The following CD34 variants were observed in gnomAD, a reference collection of about 807,000 sequenced individuals.
CD34 encodes hematopoietic progenitor cell antigen CD34.
Under a neutral mutation model 40.1 loss-of-function variants are expected in CD34, and 34 were observed. The ratio of observed to expected loss-of-function variants is 0.85; its 90% CI spans 0.65 to 1.13. The LOEUF (loss-of-function observed/expected upper bound fraction) is 1.13, where lower values mean the gene tolerates loss of function less well. Ranked by LOEUF, CD34 falls within the 50% of genes most tolerant of loss-of-function variation. CD34 has a pLI of 0.00. For missense variants in CD34, 426 were observed against 466.9 expected, an observed-to-expected ratio of 0.91 and a Z score of 0.81; for synonymous variants, 209 against 190.0, an observed-to-expected ratio of 1.10 and a Z score of -0.82.
chr1:207,888,988 CT>C, intron 6 of CD34, 142 bp from the exon 7 acceptor site: 1 of 954,884 alleles, frequency 1.0e-6, no homozygotes, highest in Non-Finnish European at 1.6e-6. Flanking sequence ...GGATTTGAGA[CT>C]GACGTCTCTT....
chr1:207,889,640 A>G lies in CD34; in HGVS notation c.598-19T>C, dbSNP rs201186764. 610 of 1,612,188 alleles carry G rather than the reference A, an allele frequency of 3.8e-4. 4 individuals are homozygous for G. The highest frequency in any genetic ancestry group is 2.8e-3 in the South Asian group (253 of 90,844). On this transcript the variant is annotated intron_variant, in intron 4 of 7. Coordinates refer to ENST00000310833, the MANE Select transcript of CD34 (RefSeq NM_001025109.2). ...ACTCCGCCTGGGAAGACAGAGAAAC[A>G]TGGAGAGCAAGAGATGAAATTACTG...
At chr1:207,890,171 C>G (rs900820558) in intron 4 of CD34, 2 of 1,028,816 alleles carry the variant, frequency 1.9e-6, no homozygotes, top group Non-Finnish European at 2.3e-6. Context: ...TCTTCCATCT[C>G]TGTTTTCCAT....
intron 1 of CD34, among the ~76,000 whole-genome samples, chr1:207,902,205 A>C (rs1394166586): frequency 2.0e-5 from 3 of 152,224 alleles, no homozygotes; most frequent in Non-Finnish European, 4.4e-5. Flanking sequence ...AGAGATGAAG[A>C]GCCTGAATCA....
At position 207,904,453 on chromosome 1, in the gene CD34, G is replaced by C. The variant is rs541892699; in HGVS notation, c.80-4450C>G. On this transcript the variant is annotated intron_variant, in intron 1 of 7. Transcript: ENST00000310833. ...ACAAAGAGCTCAGGCTCTGCAGCCA[G>C]ACAGGCCACATTCAAAGGCTTCTTT... 1.6e-3 allele frequency among the ~76,000 whole-genome samples: 238 copies of C among 152,346 alleles called. 10 individuals carry two copies. The South Asian group carries it at 0.046, about 30-fold the overall frequency.
intron 1 of CD34, among the ~76,000 whole-genome samples, chr1:207,910,093 A>G (rs1662474106): frequency 6.6e-6 from 1 of 152,236 alleles, no homozygotes; most frequent in Non-Finnish European, 1.5e-5. Flanking sequence ...CCCCAAGGAA[A>G]GTAATCGAGT....
intron 1 of CD34, 95 bp downstream of exon 1, chr1:207,910,907 C>G (rs1662498608): frequency 7.8e-7 from 1 of 1,284,098 alleles, no homozygotes; most frequent in South Asian, 1.3e-5. Flanking sequence ...GGTCCCTTCC[C>G]TCCGTGAGAC....
rs189098796 is a variant in CD34 at position 207,889,359 on chromosome 1, C to T, written c.754+106G>A. The T allele has an allele frequency of 1.0e-5, 16 of 1,535,142 alleles. No homozygotes were observed. In the African/African-American group the frequency reaches 1.4e-4, roughly 13 times the overall value. On this transcript the variant is annotated intron_variant, in intron 5 of 7. Coordinates refer to ENST00000310833, the MANE Select transcript of CD34 (RefSeq NM_001025109.2). ...CCCAAAGCCAGCCAAGTCCTTCTCC[C>T]CAGCACCTGTGGTCTCTCTGGATCT...
intron 4 of CD34, chr1:207,890,188 C>A: frequency 9.9e-7 from 1 of 1,014,014 alleles, no homozygotes. Context: ...CCATTAAAAG[C>A]ATGGAACCCA....
rs764223735 is a variant in CD34 at position 207,887,864 on chromosome 1, C to A, written c.1032G>T (p.Gly344=). The change falls in exon 8 of 8, where the codon GGG becomes GGT. Residue 344 remains glycine (G), a synonymous_variant. Transcript: ENST00000310833. The part of the protein sequence containing the change: ...GGGQGYSSGP[G]TSPEAQGKAS... ...CCTTTCCCTGAGCCTCAGGGGAGGTCCCAGGTCCTGAGCTATAGCCCTGGC... is the reference window on the plus strand; with the variant it reads ...CCTTTCCCTGAGCCTCAGGGGAGGTACCAGGTCCTGAGCTATAGCCCTGGC... 11 of 1,614,066 alleles carry A rather than the reference C, an allele frequency of 6.8e-6. No homozygotes were observed. In the Admixed American group the frequency reaches 1.8e-4, roughly 27 times the overall value.
chr1:207,905,307 T>C (rs532542131), intron 1 of CD34, among the ~76,000 whole-genome samples: 28 of 152,362 alleles, frequency 1.8e-4, no homozygotes, highest in African/African-American at 6.7e-4. Context: ...GGCTAATTTT[T>C]GTATTTTTAG....
chr1:207,908,071 A>T (rs1662421297), intron 1 of CD34, among the ~76,000 whole-genome samples: 1 of 152,208 alleles, frequency 6.6e-6, no homozygotes, highest in Non-Finnish European at 1.5e-5. Flanking sequence ...GAAATCAGGC[A>T]ATGAGACCAA....
At chr1:207,900,648 ATTCG>A (rs1225795306) in intron 1 of CD34, among the ~76,000 whole-genome samples, 8 of 152,058 alleles carry the variant, frequency 5.3e-5, no homozygotes, top group African/African-American at 1.7e-4. Context: ...CTTCAAACCC[ATTCG>A]CCTTTCCTTT....
rs671131 is a variant in CD34 at position 207,885,033 on chromosome 1, C to A, written c.*2705G>T. 34,130 of 152,068 alleles carry A rather than the reference C, an allele frequency of 0.22. 3,883 individuals are homozygous for A. Among genetic ancestry groups the A allele is most frequent in the East Asian group, 0.42 (2,183 of 5,170 alleles). 9.4% of individuals were successfully genotyped at this position (152,068 alleles called of 1,614,324 possible). On this transcript the variant is annotated 3_prime_UTR_variant, in exon 8 of 8. Coordinates refer to ENST00000310833, the MANE Select transcript of CD34 (RefSeq NM_001025109.2). ...GAATTCTGGGTGATTGGGCAAGCCA[C>A]CTCCCTTCTCTGAGCCTTAGTTTGT...
chr1:207,899,797 A>T, intron 2 of CD34, 24 bp downstream of exon 2: 2 of 1,596,108 alleles, frequency 1.3e-6, no homozygotes, highest in South Asian at 1.1e-5. Context: ...TCTCTCCGGG[A>T]TCTGACACAA....
chr1:207,909,930 ACT>A (rs1234359962), intron 1 of CD34, among the ~76,000 whole-genome samples: 1 of 152,188 alleles, frequency 6.6e-6, no homozygotes, highest in Non-Finnish European at 1.5e-5. Flanking sequence ...AGTCCAGGTC[ACT>A]CTGCAGGGCC....
chr1:207,910,367 G>C (rs1446525261), intron 1 of CD34, among the ~76,000 whole-genome samples: 2 of 152,210 alleles, frequency 1.3e-5, no homozygotes, highest in Non-Finnish European at 2.9e-5. Context: ...GGTTGCTGAA[G>C]TGGGAATTCA....
Position 207,910,988 on chromosome 1 carries a change from C to A in CD34, c.79+14G>T. 1 of 1,570,358 alleles carries A rather than the reference C, an allele frequency of 6.4e-7. No homozygotes were observed. The highest frequency in any genetic ancestry group is 8.6e-7 in the Non-Finnish European group (1 of 1,160,764). The stretch of plus-strand genomic sequence containing the variant: ...GGCGAAGCCAAGCGGCCGCGGCGCG[C>A]GGGCGGTACTCACGCAGCAAACTCA... On this transcript the variant is annotated intron_variant, in intron 1 of 7. Transcript: ENST00000310833.
At chr1:207,890,252 CCAGGAATTTGGACT>C in intron 4 of CD34, 1 of 994,628 alleles carries the variant, frequency 1.0e-6, no homozygotes, top group African/African-American at 1.7e-5. Flanking sequence ...GCCATCAGAC[CCAGGAATTTGGACT>C]CAGAAGAAAA....
chr1:207,899,622 G>A (rs1229297142), intron 2 of CD34, among the ~76,000 whole-genome samples, 199 bp downstream of exon 2: 1 of 152,148 alleles, frequency 6.6e-6, no homozygotes, highest in African/African-American at 2.4e-5. Flanking sequence ...CCCAAGACAT[G>A]GGCCTGAGAA....
Sources: gnomAD v4.1 joint callset for allele counts (sites outside exome capture counted in the v4.1 genomes callset) on GRCh38, gnomAD v4.1.1 for gene constraint, MANE v1.5 for transcripts, NCBI Gene and HGNC (gene_info 2026-07-23, HGNC 2026-07-21) for gene names.